COL13A1: variants seen among roughly 807,000 people sequenced by gnomAD.
COL13A1 encodes collagen alpha-1(XIII) chain.
In COL13A1, 89 loss-of-function variants were observed where a neutral mutation model predicts 130.9. The ratio of observed to expected loss-of-function variants is 0.68; its 90% CI spans 0.57 to 0.81. COL13A1 has a LOEUF of 0.81. Ranked by LOEUF, COL13A1 falls within the 30% of genes least tolerant of loss-of-function variation. The probability of loss-of-function intolerance (pLI) is 0.00; values close to 1 mark genes in which losing one functional copy is unlikely to be tolerated. For synonymous variants in COL13A1, 402 were observed against 341.6 expected, an observed-to-expected ratio of 1.18 and a Z score of -1.95; for missense variants, 879 against 934.6, an observed-to-expected ratio of 0.94 and a Z score of 0.78.
At chr10:69,808,162 G>A (rs1262581707) in intron 1 of COL13A1, among the ~76,000 whole-genome samples, 2 of 152,192 alleles carry the variant, frequency 1.3e-5, no homozygotes, top group Non-Finnish European at 2.9e-5. Flanking sequence ...AGGACCTCAG[G>A]AGGCAGCCAA....
intron 1 of COL13A1, among the ~76,000 whole-genome samples, chr10:69,806,363 G>C (rs578131938): frequency 6.6e-6 from 1 of 152,350 alleles, no homozygotes; most frequent in Admixed American, 6.5e-5. Context: ...GGGAGCTGCA[G>C]GGAGGGCCGG....
Position 69,805,817 on chromosome 10 carries a change from G to A in COL13A1, c.294+3100G>A, listed in dbSNP as rs548798806. Among the ~76,000 whole-genome samples the A allele has an allele frequency of 2.3e-3, 344 of 152,316 alleles. 3 individuals carry two copies. Among genetic ancestry groups the A allele is most frequent in the African/African-American group, 7.6e-3 (315 of 41,566 alleles). On this transcript the variant is annotated intron_variant, in intron 1 of 40. Coordinates refer to ENST00000645393, the MANE Select transcript of COL13A1 (RefSeq NM_001368882.1). ...AGCAATGGGTAAGGCAGAAAATTGG[G>A]ACAGGCAAAAACCTGCCACAGGACA...
At chr10:69,841,751 A>G (rs1382019866) in intron 2 of COL13A1, among the ~76,000 whole-genome samples, 4 of 152,218 alleles carry the variant, frequency 2.6e-5, no homozygotes, top group African/African-American at 9.6e-5. Flanking sequence ...AGATCTGGCA[A>G]GGGAGTAGGA....
At chr10:69,920,602 G>A (rs1365988907) in intron 21 of COL13A1, among the ~76,000 whole-genome samples, 2 of 152,146 alleles carry the variant, frequency 1.3e-5, no homozygotes, top group African/African-American at 2.4e-5. Context: ...TTGAGAGACC[G>A]TTCTCCCTCT....
chr10:69,897,037 G>A lies in COL13A1; in HGVS notation c.684+1461G>A, dbSNP rs528639598. ...TAGTAAGTGCTTGGGGTGGGGTGGGGGCAGGGCTCTCTGCCCCTCAGCCCA... is the reference window on the plus strand; with the variant it reads ...TAGTAAGTGCTTGGGGTGGGGTGGGAGCAGGGCTCTCTGCCCCTCAGCCCA... On this transcript the variant is annotated intron_variant, in intron 13 of 40. Transcript: ENST00000645393. 2.0e-5 allele frequency among the ~76,000 whole-genome samples: 3 copies of A among 152,308 alleles called. No individual in the cohort carries two copies. In the East Asian group the frequency reaches 5.8e-4, roughly 29 times the overall value.
chr10:69,806,676 C>T (rs762913512), intron 1 of COL13A1, among the ~76,000 whole-genome samples: 4 of 152,122 alleles, frequency 2.6e-5, no homozygotes, highest in Admixed American at 6.5e-5. Context: ...ACTGGGCAGC[C>T]GTGTGCAGTG....
In COL13A1 at chr10:69,917,318, C is replaced by T; in HGVS notation, c.951C>T (p.Gly317=). 1.2e-6 allele frequency: 2 copies of T among 1,613,640 alleles called. No homozygotes were observed. Among genetic ancestry groups the T allele is most frequent in the Non-Finnish European group, 1.7e-6 (2 of 1,179,726 alleles). The change falls in exon 18 of 41, where the codon GGC becomes GGT. Residue 317 remains glycine, a synonymous_variant. Coordinates refer to ENST00000645393, the MANE Select transcript of COL13A1 (RefSeq NM_001368882.1). ...KGERGMPGMP[G]KHGAKGAPGI... is the part of the protein sequence containing the mutation. ...AACGGGGCATGCCAGGGATGCCAGG[C>T]AAGCATGGAGCCAAGGTACCTCCCC... is the stretch of plus-strand genomic sequence containing the variant.
intron 2 of COL13A1, among the ~76,000 whole-genome samples, chr10:69,859,118 G>C (rs1857259632): frequency 1.3e-5 from 2 of 152,206 alleles, no homozygotes; most frequent in African/African-American, 4.8e-5. Context: ...ACCTTGTATA[G>C]TTACCTTATG....
chr10:69,815,169 C>G (rs79871613), intron 1 of COL13A1, among the ~76,000 whole-genome samples: 2,563 of 152,264 alleles, frequency 0.017, 72 homozygotes, highest in African/African-American at 0.059. Flanking sequence ...CCTGGCTTCT[C>G]CCTCTGGGCT....
Position 69,899,563 on chromosome 10 carries a change from T to G in COL13A1, c.750+801T>G, listed in dbSNP as rs139844081. On this transcript the variant is annotated intron_variant, in intron 14 of 40. Transcript: ENST00000645393. ...GAAATGCAGACTGCTTAGCATCTGA[T>G]CCCTCGTAACCTGAGTTTGGGGAGC... 3.9e-4 allele frequency among the ~76,000 whole-genome samples: 59 copies of G among 152,342 alleles called. 1 individual carries two copies. Among genetic ancestry groups the G allele is most frequent in the Non-Finnish European group, 4.3e-4 (29 of 68,032 alleles).
intron 27 of COL13A1, 66 bp from the exon 28 acceptor site, chr10:69,928,871 C>A: frequency 8.2e-7 from 1 of 1,221,010 alleles, no homozygotes; most frequent in Non-Finnish European, 1.2e-6. Context: ...CACATATAGC[C>A]CTCAGGGCAC....
In COL13A1 at chr10:69,930,492, G is replaced by A; in HGVS notation, c.1623G>A (p.Gly541=). 6.2e-7 allele frequency: 1 copy of A among 1,613,910 alleles called. No individual in the cohort carries two copies. Among genetic ancestry groups the A allele is most frequent in the Non-Finnish European group, 8.5e-7 (1 of 1,179,848 alleles). The change falls in exon 30 of 41, where the codon GGG becomes GGA. Residue 541 remains glycine, a synonymous_variant. Coordinates refer to ENST00000645393, the MANE Select transcript of COL13A1 (RefSeq NM_001368882.1). ...DGPPGVKGEN[G]HPGSPGEKGE... ...CTCCAGGAGTGAAGGGAGAAAACGGGCACCCAGGGAGCCCAGGAGAGAAGG... is the reference window on the plus strand; with the variant it reads ...CTCCAGGAGTGAAGGGAGAAAACGGACACCCAGGGAGCCCAGGAGAGAAGG...
chr10:69,839,297 G>A (rs1006599858), intron 2 of COL13A1, among the ~76,000 whole-genome samples: 2 of 152,216 alleles, frequency 1.3e-5, no homozygotes, highest in African/African-American at 4.8e-5. Flanking sequence ...TGCTTCCAGT[G>A]TAATGAGAGA....
At chr10:69,931,476 G>C (rs1465514037) in intron 30 of COL13A1, among the ~76,000 whole-genome samples, 1 of 152,198 alleles carries the variant, frequency 6.6e-6, no homozygotes, top group Non-Finnish European at 1.5e-5. Flanking sequence ...CTCACGGTAT[G>C]ATGGCCTCTA....
chr10:69,912,057 C>A (rs2063440337), intron 17 of COL13A1, among the ~76,000 whole-genome samples: 1 of 152,196 alleles, frequency 6.6e-6, no homozygotes, highest in African/African-American at 2.4e-5. Context: ...CTAGTGGGGA[C>A]CATTCGCATT....
intron 37 of COL13A1, among the ~76,000 whole-genome samples, chr10:69,946,777 T>G (rs1160399626): frequency 6.6e-6 from 1 of 151,878 alleles, no homozygotes; most frequent in Non-Finnish European, 1.5e-5. Context: ...AAACCAGAAC[T>G]GTGTTTTTTT....
chr10:69,931,422 C>T (rs1191378804), intron 30 of COL13A1, among the ~76,000 whole-genome samples: 1 of 152,212 alleles, frequency 6.6e-6, no homozygotes, highest in African/African-American at 2.4e-5. Flanking sequence ...TCTTAACAAG[C>T]AGCTACTTCA....
intron 10 of COL13A1, among the ~76,000 whole-genome samples, chr10:69,892,372 C>T (rs7070915): frequency 0.41 from 62,369 of 152,060 alleles, 13,616 homozygotes; most frequent in Middle Eastern, 0.53. Flanking sequence ...CACCTCTGCC[C>T]CACCCCCCCA....
chr10:69,932,588 G>T lies in COL13A1; in HGVS notation c.1712G>T (p.Gly571Val). 6.2e-7 allele frequency: 1 copy of T among 1,609,862 alleles called. No individual in the cohort carries two copies. Among genetic ancestry groups the T allele is most frequent in the Non-Finnish European group, 8.5e-7 (1 of 1,176,376 alleles). ...GAGAAAGGAGAAGCCGGGGAGAAGG[G>T]CAATCCAGGAGCAGAGGTACATGAG... ...PGEKGEAGEK[G>V]NPGAEVPGLP... The change falls in exon 31 of 41, where the codon GGC becomes GTC. Residue 571 changes from glycine (G) to valine (V), a missense_variant. Coordinates refer to ENST00000645393, the MANE Select transcript of COL13A1 (RefSeq NM_001368882.1).
Sources: gnomAD v4.1 joint callset for allele counts (sites outside exome capture counted in the v4.1 genomes callset) on GRCh38, gnomAD v4.1.1 for gene constraint, MANE v1.5 for transcripts, NCBI Gene and HGNC (gene_info 2026-07-23, HGNC 2026-07-21) for gene names.